The following PCDHGA1 variants were observed in gnomAD, a reference collection of about 807,000 sequenced individuals.
The protein encoded by PCDHGA1 is protocadherin gamma-A1.
In PCDHGA1, 32 loss-of-function variants were observed where a neutral mutation model predicts 58.0. The ratio of observed to expected loss-of-function variants is 0.55; its 90% CI spans 0.42 to 0.74. The LOEUF (loss-of-function observed/expected upper bound fraction) is 0.74, where lower values mean the gene tolerates loss of function less well. PCDHGA1 is among the 30% of genes least tolerant of loss of function. The probability of loss-of-function intolerance (pLI) is 0.00; values close to 1 mark genes in which losing one functional copy is unlikely to be tolerated. For synonymous variants in PCDHGA1, 498 were observed against 501.1 expected (o/e 0.99, Z 0.08); for missense variants, 1,205 against 1,182.3 (o/e 1.02, Z -0.28).
rs1407394695 is a variant in PCDHGA1 at position 141,345,378 on chromosome 5, C to A, written c.2421+12273C>A. ...GCATGTGATTGACATCAATGACAACCCACCCACCTTCCCTCATTTATCCTA... is the reference window on the plus strand; with the variant it reads ...GCATGTGATTGACATCAATGACAACACACCCACCTTCCCTCATTTATCCTA... On this transcript the variant is annotated intron_variant, in intron 1 of 3. Coordinates refer to ENST00000517417, the MANE Select transcript of PCDHGA1 (RefSeq NM_018912.3). 9.9e-6 allele frequency: 16 copies of A among 1,614,072 alleles called. No homozygotes were observed. The highest frequency in any genetic ancestry group is 1.2e-5 in the Non-Finnish European group (14 of 1,180,008).
intron 1 of PCDHGA1, chr5:141,388,574 T>C (rs372294800): frequency 6.2e-7 from 1 of 1,613,724 alleles, no homozygotes; most frequent in East Asian, 2.2e-5. Flanking sequence ...AGATACACGT[T>C]CTAGTGACTG....
In PCDHGA1 at chr5:141,366,583, G is replaced by C. The variant is rs369592022; in HGVS notation, c.2421+33478G>C. The C allele has an allele frequency of 3.1e-6, 5 of 1,614,138 alleles. No homozygotes were observed. In the African/African-American group the frequency reaches 5.3e-5, roughly 17 times the overall value. On this transcript the variant is annotated intron_variant, in intron 1 of 3. Coordinates refer to ENST00000517417, the MANE Select transcript of PCDHGA1 (RefSeq NM_018912.3). The stretch of plus-strand genomic sequence containing the variant: ...TGGATGGGGTTCGGGCTTTCCTGCA[G>C]ACCTATTCCCACGAGGTCTCCCTCA...
intron 1 of PCDHGA1, chr5:141,398,344 C>G (rs901692894): frequency 7.3e-7 from 1 of 1,372,066 alleles, no homozygotes; most frequent in African/African-American, 1.5e-5. Context: ...TTCGGAGAAG[C>G]CTTACTTCAC....
At chr5:141,509,334 G>A (rs1184232270) in intron 3 of PCDHGA1, among the ~76,000 whole-genome samples, 1 of 152,186 alleles carries the variant, frequency 6.6e-6, no homozygotes, top group Non-Finnish European at 1.5e-5. Flanking sequence ...ACTGCCAGCT[G>A]GGCCTGGGCT....
chr5:141,410,084 ACGG>A (rs748556729), intron 1 of PCDHGA1: 3 of 1,612,532 alleles, frequency 1.9e-6, no homozygotes, highest in Non-Finnish European at 2.5e-6. Context: ...GGAGGTGCGC[ACGG>A]CTCGAGCCTT....
intron 1 of PCDHGA1, among the ~76,000 whole-genome samples, chr5:141,482,767 A>G (rs2099572087): frequency 6.6e-6 from 1 of 150,474 alleles, no homozygotes; most frequent in East Asian, 1.9e-4. Flanking sequence ...TTTCATTATC[A>G]CTGAACCTTA....
chr5:141,345,822 G>T (rs962753490), intron 1 of PCDHGA1: 1 of 1,613,726 alleles, frequency 6.2e-7, no homozygotes, highest in Non-Finnish European at 8.5e-7. Context: ...GGTGGACAGA[G>T]ACTCGGGCCA....
chr5:141,489,776 C>T lies in PCDHGA1; in HGVS notation c.2422-5031C>T. The T allele has an allele frequency of 6.2e-7, 1 of 1,614,202 alleles. No homozygotes were observed. Among genetic ancestry groups the T allele is most frequent in the Non-Finnish European group, 8.5e-7 (1 of 1,180,020 alleles). On this transcript the variant is annotated intron_variant, in intron 1 of 3. Transcript: ENST00000517417. This position sits in a 1 kb window ranked among gnomAD's most constrained non-coding sequence, Gnocchi z 4.5. ...ACTCTAAGCCCCAACAGCCACTTCT[C>T]TCTGAATGTGAAGACCCTAAAAGAT...
chr5:141,373,689 C>T (rs575785726), intron 1 of PCDHGA1, among the ~76,000 whole-genome samples: 2 of 152,314 alleles, frequency 1.3e-5, no homozygotes, highest in East Asian at 1.9e-4. Context: ...CTTCAGAGAA[C>T]ATTTAAAATT....
intron 1 of PCDHGA1, chr5:141,409,991 G>A: frequency 6.2e-6 from 10 of 1,613,320 alleles, no homozygotes; most frequent in Non-Finnish European, 7.6e-6. Flanking sequence ...GGTGGACGCC[G>A]ACTCGGGACA....
chr5:141,374,069 C>T (rs747646831), intron 1 of PCDHGA1: 8 of 1,502,764 alleles, frequency 5.3e-6, no homozygotes, highest in Non-Finnish European at 7.1e-6. Context: ...CAGAGAAGTT[C>T]CTAATAAGCC....
intron 1 of PCDHGA1, chr5:141,421,199 A>C (rs991814876): frequency 2.0e-6 from 3 of 1,514,716 alleles, no homozygotes; most frequent in Non-Finnish European, 2.6e-6. Context: ...CAGCTCGAGA[A>C]ACCGCGGAAT....
chr5:141,361,884 G>A (rs1017446737), intron 1 of PCDHGA1: 1 of 1,610,512 alleles, frequency 6.2e-7, no homozygotes, highest in Non-Finnish European at 8.5e-7. Flanking sequence ...GCGCCGCAGA[G>A]CCCGGCTACC....
chr5:141,436,973 T>C (rs1209787552), intron 1 of PCDHGA1, among the ~76,000 whole-genome samples: 1 of 152,234 alleles, frequency 6.6e-6, no homozygotes, highest in Non-Finnish European at 1.5e-5. Context: ...TTGTGAAACT[T>C]ATTTTAAAGA....
At chr5:141,395,522 A>T in intron 1 of PCDHGA1, 1 of 398,214 alleles carries the variant, frequency 2.5e-6, no homozygotes. Flanking sequence ...ACCCGTCCAT[A>T]CTGGTAATTT....
At chr5:141,366,773 G>A (rs1474826624) in intron 1 of PCDHGA1, 3 of 1,595,414 alleles carry the variant, frequency 1.9e-6, no homozygotes, top group Non-Finnish European at 2.6e-6. Context: ...CTTTCGGTAA[G>A]GATGACCAGA....
At chr5:141,379,227 T>C (rs1355383312) in intron 1 of PCDHGA1, 3 of 152,248 alleles carry the variant, frequency 2.0e-5, no homozygotes, top group Non-Finnish European at 4.4e-5. Flanking sequence ...TATGTGTTTT[T>C]CTGAACCAAT....
chr5:141,433,054 G>A, intron 1 of PCDHGA1: 2 of 1,614,196 alleles, frequency 1.2e-6, no homozygotes, highest in Non-Finnish European at 1.7e-6. Context: ...ACTCGCGGAA[G>A]AGTCACCTGA....
intron 1 of PCDHGA1, among the ~76,000 whole-genome samples, chr5:141,494,399 T>A (rs2099754028): frequency 6.6e-6 from 1 of 152,146 alleles, no homozygotes; most frequent in South Asian, 2.1e-4. Context: ...ATAAATTCAT[T>A]CTAGGGCTGG....
Sources: gnomAD v4.1 joint callset for allele counts (sites outside exome capture counted in the v4.1 genomes callset) on GRCh38, gnomAD v4.1.1 for gene constraint, Gnocchi (gnomAD v3.1) non-coding constraint, MANE v1.5 for transcripts, NCBI Gene and HGNC (gene_info 2026-07-23, HGNC 2026-07-21) for gene names.